The following NUTM1 variants were observed in gnomAD, a reference collection of about 807,000 sequenced individuals.
The protein encoded by NUTM1 is NUT family member 1.
NUTM1 carries 39 observed loss-of-function variants against 88.7 expected under a neutral mutation model. The ratio of observed to expected loss-of-function variants is 0.44; its 90% confidence interval spans 0.34 to 0.57. The LOEUF (loss-of-function observed/expected upper bound fraction) is 0.57, where lower values mean the gene tolerates loss of function less well. Ranked by LOEUF, NUTM1 falls within the 20% of genes least tolerant of loss-of-function variation. The pLI is 0.01. For missense variants in NUTM1, 1,350 were observed against 1,414.5 expected (o/e 0.95, Z 0.73); for synonymous variants, 494 against 538.0 (o/e 0.92, Z 1.13).
chr15:34,344,300 C>G (rs887663994), intron 1 of NUTM1, among the ~76,000 whole-genome samples: 3 of 150,688 alleles, frequency 2.0e-5, no homozygotes, highest in Non-Finnish European at 4.4e-5. Flanking sequence ...ATCACAAGGT[C>G]AGGAGTTCGA....
Position 34,356,496 on chromosome 15 carries a change from T to G in NUTM1, c.2488T>G (p.Tyr830Asp). ...VAAAALEKRN[Y>D]CSLPGPLRAN... is the part of the protein sequence containing the mutation. ...GGCAGCTGCCCTAGAAAAGAGAAAC[T>G]ATTGCAGCTTGCCAGGACCTTTGAG... Residue 830 changes from tyrosine to aspartate, a missense_variant, in exon 8 of 8, where the codon TAT (tyrosine) becomes GAT (aspartate). Tyr to Asp is a radical substitution (Grantham distance 160). Coordinates refer to ENST00000537011, the MANE Select transcript of NUTM1 (RefSeq NM_001284292.2). The G allele has an allele frequency of 1.2e-6, 2 of 1,613,906 alleles. No individual in the cohort carries two copies. The highest frequency in any genetic ancestry group is 1.1e-5 in the South Asian group (1 of 91,060).
At chr15:34,352,835 A>G (rs12904471) in intron 4 of NUTM1, among the ~76,000 whole-genome samples, 139,560 of 144,448 alleles carry the variant, frequency 0.97, 67,627 homozygotes, top group East Asian at 1. Flanking sequence ...GAAAGCCCTC[A>G]CTGTGTCCAA....
chr15:34,356,514 C>T lies in NUTM1; in HGVS notation c.2506C>T (p.Pro836Ser). The T allele has an allele frequency of 6.2e-7, 1 of 1,613,938 alleles. No individual in the cohort carries two copies. Among genetic ancestry groups the T allele is most frequent in the Non-Finnish European group, 8.5e-7 (1 of 1,179,964 alleles). Residue 836 changes from proline (P) to serine (S), a missense_variant, in exon 8 of 8, where the codon CCT becomes TCT. Physicochemically the swap from Pro to Ser is moderately conservative, Grantham distance 74 (BLOSUM62 -1). This residue lies in a region of NUTM1 where 730 missense variants were observed against 728.8 expected (regional missense o/e 1.00). Transcript: ENST00000537011. ...EKRNYCSLPG[P>S]LRANSPPLRS... ...GAGAAACTATTGCAGCTTGCCAGGA[C>T]CTTTGAGGGCCAACAGCCCACCCTT...
In NUTM1 at chr15:34,356,675, A is replaced by G. The variant is rs1890819207; in HGVS notation, c.2667A>G (p.Thr889=). ...LGSSKETLPP[T]CQGNLLIMGT... ...CTTCCAAAGAAACCCTTCCACCCAC[A>G]TGCCAAGGCAATCTCCTTATCATGG... Residue 889 remains threonine (T), a synonymous_variant, in exon 8 of 8, where the codon ACA becomes ACG. Transcript: ENST00000537011. 5.0e-6 allele frequency: 8 copies of G among 1,613,762 alleles called. No individual in the cohort carries two copies. The highest frequency in any genetic ancestry group is 1.3e-5 in the African/African-American group (1 of 74,792).
Position 34,348,035 on chromosome 15 carries a change from T to C in NUTM1, c.167T>C (p.Leu56Pro), listed in dbSNP as rs751591395. ...PSAAPSPSPA[L>P]PFLPPTSDPP... ...GCCGCCCCGTCTCCATCCCCTGCAC[T>C]TCCCTTTCTCCCACCAACTTCTGAC... Residue 56 changes from leucine to proline, a missense_variant, in exon 3 of 8, where the codon CTT (leucine) becomes CCT (proline). Physicochemically the swap from Leu to Pro is moderately conservative, Grantham distance 98. Coordinates refer to ENST00000537011, the MANE Select transcript of NUTM1 (RefSeq NM_001284292.2). 1 of 1,614,034 alleles carries C rather than the reference T, an allele frequency of 6.2e-7. No homozygotes were observed. Among genetic ancestry groups the C allele is most frequent in the South Asian group, 1.1e-5 (1 of 91,068 alleles).
intron 4 of NUTM1, among the ~76,000 whole-genome samples, chr15:34,352,564 T>C (rs1467526562): frequency 1.4e-5 from 2 of 146,786 alleles, no homozygotes; most frequent in Admixed American, 7.0e-5. Context: ...TTTGGGAGGG[T>C]GAGGCGGGCG....
In NUTM1 at chr15:34,356,194, A is replaced by G. The variant is rs758373903; in HGVS notation, c.2186A>G (p.Tyr729Cys). 3.7e-6 allele frequency: 6 copies of G among 1,608,684 alleles called. No homozygotes were observed. The highest frequency in any genetic ancestry group is 3.3e-5 in the Admixed American group (2 of 59,762). ...DDRGTPMAQSYDQNPSPRAAG... is the reference protein window; with the variant it reads ...DDRGTPMAQSCDQNPSPRAAG... ...AGAGGTACCCCCATGGCTCAGAGTT[A>G]TGATCAGAATCCTTCCCCTAGAGCA... Residue 729 changes from tyrosine to cysteine, a missense_variant, in exon 8 of 8, where the codon TAT (tyrosine) becomes TGT (cysteine). By Grantham distance (194) the Tyr-to-Cys change is radical (BLOSUM62 -2). This residue lies in a region of NUTM1 where 730 missense variants were observed against 728.8 expected (regional missense o/e 1.00). Coordinates refer to ENST00000537011, the MANE Select transcript of NUTM1 (RefSeq NM_001284292.2).
chr15:34,343,552 T>C lies in NUTM1; in HGVS notation c.-145T>C, dbSNP rs1890525076. The C allele has an allele frequency of 6.6e-7, 1 of 1,525,476 alleles. No homozygotes were observed. The highest frequency in any genetic ancestry group is 8.8e-7 in the Non-Finnish European group (1 of 1,139,160). 94.5% of individuals were successfully genotyped at this position (1,525,476 alleles called of 1,614,324 possible). A position where few individuals can be genotyped will look rare whatever the true frequency, so the allele number is the denominator to read the frequency against. On this transcript the variant is annotated 5_prime_UTR_variant, in exon 1 of 8. Transcript: ENST00000537011. ...AGTTCCCCTGCTCCATTTCAAAGCGTTGGCGGTAAAGAATGCATGTTGAGT... is the reference window on the plus strand; with the variant it reads ...AGTTCCCCTGCTCCATTTCAAAGCGCTGGCGGTAAAGAATGCATGTTGAGT...
Position 34,356,409 on chromosome 15 carries a change from G to A in NUTM1, c.2401G>A (p.Gly801Arg). ...GSRGNISLGPGETLVPGDTES... is the reference protein window; with the variant it reads ...GSRGNISLGPRETLVPGDTES... ...CAGGGGCAACATTTCCCTGGGTCCT[G>A]GAGAAACCCTAGTACCTGGGGATAC... Residue 801 changes from glycine (G) to arginine (R), a missense_variant, in exon 8 of 8, where the codon GGA becomes AGA. Physicochemically the swap from Gly to Arg is moderately radical, Grantham distance 125. Around this residue, in one of 5 missense-constraint regions of NUTM1, gnomAD observed 730 missense variants for 728.8 expected, o/e 1.00. Transcript: ENST00000537011. 5 of 1,611,562 alleles carry A rather than the reference G, an allele frequency of 3.1e-6. No individual in the cohort carries two copies. Among genetic ancestry groups the A allele is most frequent in the Non-Finnish European group, 4.2e-6 (5 of 1,178,760 alleles).
Position 34,348,628 on chromosome 15 carries a change from A to G in NUTM1, c.760A>G (p.Arg254Gly). The G allele has an allele frequency of 6.2e-7, 1 of 1,609,480 alleles. No individual in the cohort carries two copies. Among genetic ancestry groups the G allele is most frequent in the Non-Finnish European group, 8.5e-7 (1 of 1,179,960 alleles). Reference protein sequence around the residue: ...QWQRYKALARRHLSQSPDTEA... With the variant: ...QWQRYKALARGHLSQSPDTEA... ...GCAGCGTTACAAAGCCTTGGCCCGG[A>G]GGCACCTATCCCAGAGTCCTGACAC... The change falls in exon 3 of 8, where the codon AGG (arginine) becomes GGG (glycine). Residue 254 changes from arginine to glycine, a missense_variant. This residue lies in a region of NUTM1 where 399 missense variants were observed against 397.9 expected (regional missense o/e 1.00). Transcript: ENST00000537011.
chr15:34,357,360 T>A lies in NUTM1; in HGVS notation c.3352T>A (p.Ser1118Thr), dbSNP rs1890838088. 1 of 1,614,090 alleles carries A rather than the reference T, an allele frequency of 6.2e-7. No individual in the cohort carries two copies. Among genetic ancestry groups the A allele is most frequent in the East Asian group, 2.2e-5 (1 of 44,866 alleles). Residue 1118 changes from serine (S) to threonine (T), a missense_variant, in exon 8 of 8, where the codon TCA becomes ACA. Transcript: ENST00000537011. ...AGCCCCTACTGAAAAGACACCCCAC[T>A]CAGGAGCTCAACTTGGGGTCCCCAG... ...GPAPTEKTPH[S>T]GAQLGVPREK...
chr15:34,356,346 G>A lies in NUTM1; in HGVS notation c.2338G>A (p.Val780Ile). Residue 780 changes from valine (V) to isoleucine (I), a missense_variant, in exon 8 of 8, where the codon GTA becomes ATA. By Grantham distance (29) the Val-to-Ile change is conservative. Around this residue, in one of 5 missense-constraint regions of NUTM1, gnomAD observed 730 missense variants for 728.8 expected, o/e 1.00. Coordinates refer to ENST00000537011, the MANE Select transcript of NUTM1 (RefSeq NM_001284292.2). ...VIESFQVEKC[V>I]TEYQEGCQGL... ...AGAGAGCTTCCAAGTTGAGAAGTGT[G>A]TAACTGAGTATCAGGAAGGCTGCCA... 1 of 1,613,974 alleles carries A rather than the reference G, an allele frequency of 6.2e-7. No individual in the cohort carries two copies. The highest frequency in any genetic ancestry group is 8.5e-7 in the Non-Finnish European group (1 of 1,179,962).
In NUTM1 at chr15:34,356,701, G is replaced by T; in HGVS notation, c.2693G>T (p.Gly898Val). Reference protein sequence around the residue: ...PTCQGNLLIMGTEDASSLPEA... With the variant: ...PTCQGNLLIMVTEDASSLPEA... ...TGCCAAGGCAATCTCCTTATCATGG[G>T]GACTGAGGATGCCTCCTCCTTGCCT... The change falls in exon 8 of 8, where the codon GGG becomes GTG. Residue 898 changes from glycine to valine, a missense_variant. Gly to Val is a moderately radical substitution (Grantham distance 109). Coordinates refer to ENST00000537011, the MANE Select transcript of NUTM1 (RefSeq NM_001284292.2). 1 of 1,613,570 alleles carries T rather than the reference G, an allele frequency of 6.2e-7. No individual in the cohort carries two copies. The highest frequency in any genetic ancestry group is 8.5e-7 in the Non-Finnish European group (1 of 1,179,910).
chr15:34,344,727 T>A (rs1056185934), intron 1 of NUTM1, among the ~76,000 whole-genome samples: 6 of 151,756 alleles, frequency 4.0e-5, no homozygotes, highest in Non-Finnish European at 7.4e-5. Context: ...CTGTTAAAAA[T>A]TTTTTAAAGG....
At position 34,356,502 on chromosome 15, in the gene NUTM1, A is replaced by G; in HGVS notation, c.2494A>G (p.Ser832Gly). Residue 832 changes from serine to glycine, a missense_variant, in exon 8 of 8, where the codon AGC becomes GGC. Coordinates refer to ENST00000537011, the MANE Select transcript of NUTM1 (RefSeq NM_001284292.2). ...TGCCCTAGAAAAGAGAAACTATTGCAGCTTGCCAGGACCTTTGAGGGCCAA... is the reference window on the plus strand; with the variant it reads ...TGCCCTAGAAAAGAGAAACTATTGCGGCTTGCCAGGACCTTTGAGGGCCAA... ...AAALEKRNYCSLPGPLRANSP... is the reference protein window; with the variant it reads ...AAALEKRNYCGLPGPLRANSP... 1 of 1,614,008 alleles carries G rather than the reference A, an allele frequency of 6.2e-7. No homozygotes were observed. The highest frequency in any genetic ancestry group is 1.1e-5 in the South Asian group (1 of 91,068).
In NUTM1 at chr15:34,345,960, C is replaced by CCTGA. The variant is rs1566887224; in HGVS notation, c.29_32dup (p.Cys11Ter). On this transcript the variant is annotated frameshift_variant, in exon 2 of 8. Coordinates refer to ENST00000537011, the MANE Select transcript of NUTM1 (RefSeq NM_001284292.2). LOFTEE classifies it high-confidence loss of function. Reference sequence around the variant, plus strand: ...GAGCCAGGTTACTCTGGGTCCTGGACCTGACTGCCTCATTCTGGAGGCTTC... The same window carrying CCTGA: ...GAGCCAGGTTACTCTGGGTCCTGGACCTGACTGACTGCCTCATTCTGGAGGCTTC... The CCTGA allele has an allele frequency of 6.2e-7, 1 of 1,614,114 alleles. No homozygotes were observed. The highest frequency in any genetic ancestry group is 1.1e-5 in the South Asian group (1 of 91,070).
Position 34,355,714 on chromosome 15 carries a change from A to G in NUTM1, c.1706A>G (p.Glu569Gly). Residue 569 changes from glutamate (E) to glycine (G), a missense_variant, in exon 8 of 8, where the codon GAG becomes GGG. Physicochemically the swap from Glu to Gly is moderately conservative, Grantham distance 98. Transcript: ENST00000537011. This position sits in a 1 kb window ranked among gnomAD's most constrained non-coding sequence, Gnocchi z 4.3. ...GCAAGAGAAGTGCATGGTGGGCAGG[A>G]GCAAGCCCTAGATAGCCCCAGAGGG... Reference protein sequence around the residue: ...KRAREVHGGQEQALDSPRGMH... With the variant: ...KRAREVHGGQGQALDSPRGMH... 6.2e-7 allele frequency: 1 copy of G among 1,612,074 alleles called. No individual in the cohort carries two copies. The highest frequency in any genetic ancestry group is 8.5e-7 in the Non-Finnish European group (1 of 1,178,828).
chr15:34,353,737 T>C lies in NUTM1; in HGVS notation c.940T>C (p.Phe314Leu). The C allele has an allele frequency of 6.2e-7, 1 of 1,614,072 alleles. No homozygotes were observed. Among genetic ancestry groups the C allele is most frequent in the Non-Finnish European group, 8.5e-7 (1 of 1,180,012 alleles). Residue 314 changes from phenylalanine to leucine, a missense_variant and splice_region_variant, in exon 5 of 8, where the codon TTC becomes CTC. Transcript: ENST00000537011. The part of the protein sequence containing the change: ...RMIFYEMAER[F>L]MEFEAEEMQI... ...CTATGCCTTTCTCACCCTCTGCAGG[T>C]TCATGGAGTTTGAGGCTGAGGAGAT...
At chr15:34,353,919 G>T in intron 5 of NUTM1, 47 bp downstream of exon 5, 3 of 1,605,252 alleles carry the variant, frequency 1.9e-6, no homozygotes, top group South Asian at 1.1e-5. Flanking sequence ...AAGGCTCAAA[G>T]GGATGCATAC....
Sources: gnomAD v4.1 joint callset for allele counts (sites outside exome capture counted in the v4.1 genomes callset) on GRCh38, gnomAD v4.1.1 for gene constraint, gnomAD v4.1.1 regional missense constraint, Gnocchi (gnomAD v3.1) non-coding constraint, MANE v1.5 for transcripts, NCBI Gene and HGNC (gene_info 2026-07-23, HGNC 2026-07-21) for gene names.